The following ZNF106 variants were observed in gnomAD, a reference collection of about 807,000 sequenced individuals.
ZNF106 encodes zinc finger protein 106.
In ZNF106, 67 loss-of-function variants were observed where a neutral mutation model predicts 195.1. The observed-to-expected ratio is 0.34, with a 90% confidence interval of 0.28 to 0.42. The LOEUF (loss-of-function observed/expected upper bound fraction) is 0.42. ZNF106 is among the 10% of genes least tolerant of loss of function. The pLI, the probability that ZNF106 is intolerant of heterozygous loss-of-function variation, is 1.00. For synonymous variants in ZNF106, 784 were observed against 818.6 expected (o/e 0.96, Z 0.72); for missense variants, 2,118 against 2,304.5 (o/e 0.92, Z 1.66).
Position 42,422,629 on chromosome 15 carries a change from G to T in ZNF106, c.5254-9C>A. The T allele has an allele frequency of 6.9e-6, 11 of 1,600,252 alleles. No individual in the cohort carries two copies. The highest frequency in any genetic ancestry group is 8.5e-6 in the Non-Finnish European group (10 of 1,175,124). On this transcript the variant is annotated splice_polypyrimidine_tract_variant and intron_variant, in intron 17 of 21. Coordinates refer to ENST00000564754, the MANE Select transcript of ZNF106 (RefSeq NM_001366845.3). ...CGCACGAGCTCACCAGTCTATGTCA[G>T]AAGAGAAGTAAGAGTCACCAGACTG...
chr15:42,468,280 G>A (rs1368920714), intron 2 of ZNF106, among the ~76,000 whole-genome samples: 1 of 151,284 alleles, frequency 6.6e-6, no homozygotes, highest in African/African-American at 2.4e-5. Flanking sequence ...GTTTCACCAT[G>A]TTGGCCAGGC....
chr15:42,463,244 G>C (rs2056434737), intron 3 of ZNF106, among the ~76,000 whole-genome samples: 1 of 152,030 alleles, frequency 6.6e-6, no homozygotes, highest in South Asian at 2.1e-4. Flanking sequence ...ATATGGGTAG[G>C]GTGGCAGGTA....
intron 6 of ZNF106, 90 bp downstream of exon 6, chr15:42,447,982 A>C: frequency 7.1e-7 from 1 of 1,410,192 alleles, no homozygotes; most frequent in Non-Finnish European, 9.6e-7. Flanking sequence ...ACAATCCCAG[A>C]TACCCAAGAA....
chr15:42,450,971 G>A lies in ZNF106; in HGVS notation c.1301C>T (p.Thr434Ile), dbSNP rs764949018. The A allele has an allele frequency of 2.5e-6, 4 of 1,614,212 alleles. No individual in the cohort carries two copies. The highest frequency in any genetic ancestry group is 1.6e-4 in the Middle Eastern group (1 of 6,062). ...PTQKTQKEIH[T>I]GSLNHKASSD... ...AGAGGCCTTGTGATTAAGAGATCCA[G>A]TATGTATTTCTTTTTGTGTTTTCTG... Residue 434 changes from threonine to isoleucine, a missense_variant, in exon 5 of 22, where the codon ACT becomes ATT. Physicochemically the swap from Thr to Ile is moderately conservative, Grantham distance 89. Coordinates refer to ENST00000564754, the MANE Select transcript of ZNF106 (RefSeq NM_001366845.3).
At chr15:42,427,670 T>A in intron 15 of ZNF106, 1 of 185,400 alleles carries the variant, frequency 5.4e-6, no homozygotes, top group Non-Finnish European at 1.2e-5. Flanking sequence ...CATTCCAATT[T>A]TAGTGTATGT....
intron 2 of ZNF106, among the ~76,000 whole-genome samples, chr15:42,471,908 A>C (rs2056678332): frequency 6.6e-6 from 1 of 152,218 alleles, no homozygotes; most frequent in Non-Finnish European, 1.5e-5. Flanking sequence ...AAATTACAGA[A>C]AGCAGTATGA....
intron 10 of ZNF106, among the ~76,000 whole-genome samples, chr15:42,440,998 A>AATATATAT (rs56924955): frequency 1.3e-3 from 30 of 23,548 alleles, no homozygotes; most frequent in South Asian, 6.6e-3. Flanking sequence ...AAAAAAAAAA[A>AATATATAT]ATATATATAT....
Position 42,439,597 on chromosome 15 carries a change from G to A in ZNF106, c.3980C>T (p.Ser1327Phe). 1 of 1,614,138 alleles carries A rather than the reference G, an allele frequency of 6.2e-7. No individual in the cohort carries two copies. Among genetic ancestry groups the A allele is most frequent in the Non-Finnish European group, 8.5e-7 (1 of 1,180,022 alleles). ...GEEPTKGNSG[S>F]EACTSSFLRL... ...TAGAAAAGAACTGGTACAGGCTTCAGACCCACTATTGCCTTTGGTTGGCTC... is the reference window on the plus strand; with the variant it reads ...TAGAAAAGAACTGGTACAGGCTTCAAACCCACTATTGCCTTTGGTTGGCTC... The change falls in exon 11 of 22, where the codon TCT (serine) becomes TTT (phenylalanine). Residue 1327 changes from serine to phenylalanine, a missense_variant. Ser to Phe is a radical substitution (Grantham distance 155). Coordinates refer to ENST00000564754, the MANE Select transcript of ZNF106 (RefSeq NM_001366845.3).
At position 42,428,114 on chromosome 15, in the gene ZNF106, C is replaced by T. The variant is rs140334907; in HGVS notation, c.4902G>A (p.Gln1634=). The T allele has an allele frequency of 6.2e-7, 1 of 1,614,066 alleles. No individual in the cohort carries two copies. The highest frequency in any genetic ancestry group is 8.5e-7 in the Non-Finnish European group (1 of 1,179,942). ...YNVKSRECVE[Q]LQLEDRVLCL... ...AGAGGACCCGGTCTTCCAGCTGTAA[C>T]TGCTCCACACACTCTCGGCTCTGAT... Residue 1634 remains glutamine (Q), a synonymous_variant, in exon 15 of 22, where the codon CAG becomes CAA. Coordinates refer to ENST00000564754, the MANE Select transcript of ZNF106 (RefSeq NM_001366845.3).
At chr15:42,427,494 C>T (rs960923860) in intron 15 of ZNF106, 1 of 153,156 alleles carries the variant, frequency 6.5e-6, no homozygotes, top group Non-Finnish European at 1.5e-5. Context: ...CTTAGTTCAC[C>T]TCACAGATGG....
In ZNF106 at chr15:42,418,357, C is replaced by CTTT. The variant is rs540271844; in HGVS notation, c.5518-409_5518-407dup. On this transcript the variant is annotated intron_variant, in intron 20 of 21. Transcript: ENST00000564754. Reference sequence around the variant, plus strand: ...TACCTTTCCTATAATATCGAAAGGGCTTTTTTTTTTTTTTTTTTGAGATGG... The same window carrying CTTT: ...TACCTTTCCTATAATATCGAAAGGGCTTTTTTTTTTTTTTTTTTTTTGAGATGG... Among the ~76,000 whole-genome samples, 165 of 122,856 alleles carry CTTT rather than the reference C, an allele frequency of 1.3e-3. 5 individuals are homozygous for CTTT. The highest frequency in any genetic ancestry group is 5.1e-3 in the African/African-American group (157 of 30,694). The allele number at this position is 122,856 out of a possible 152,430, so 80.6% of individuals were successfully genotyped here.
rs780521944 is a variant in ZNF106, at chr15:42,439,815, T to C, written c.3764-2A>G. On this transcript the variant is annotated splice_acceptor_variant, in intron 10 of 21. Coordinates refer to ENST00000564754, the MANE Select transcript of ZNF106 (RefSeq NM_001366845.3). LOFTEE classifies it high-confidence loss of function. Reference sequence around the variant, plus strand: ...CTGGACAACTGTCACTGATCTCTCCTGAATTGAGAGGAAAAAAATTATTGC... The same window carrying C: ...CTGGACAACTGTCACTGATCTCTCCCGAATTGAGAGGAAAAAAATTATTGC... 1.3e-6 allele frequency: 2 copies of C among 1,507,892 alleles called. No homozygotes were observed. The highest frequency in any genetic ancestry group is 1.4e-5 in the African/African-American group (1 of 70,698). The allele number at this position is 1,507,892 out of a possible 1,614,324, so 93.4% of individuals were successfully genotyped here.
chr15:42,472,238 T>C lies in ZNF106; in HGVS notation c.52A>G (p.Lys18Glu). The C allele has an allele frequency of 6.5e-7, 1 of 1,535,296 alleles. No individual in the cohort carries two copies. The highest frequency in any genetic ancestry group is 8.7e-7 in the Non-Finnish European group (1 of 1,146,484). Residue 18 changes from lysine (K) to glutamate (E), a missense_variant and splice_region_variant, in exon 2 of 22, where the codon AAG becomes GAG. Transcript: ENST00000564754. ...ILCHIVYSSK[K>E]EMDEHMRSML... ...GATTCTCCCTCTTCCATTATTACCT[T>C]TTTTGAGCTGTACACGATGTGGCAT...
chr15:42,441,921 A>G, intron 10 of ZNF106, 152 bp downstream of exon 10: 1 of 506,300 alleles, frequency 2.0e-6, no homozygotes, highest in Non-Finnish European at 3.4e-6. Flanking sequence ...TTTTAAAAGA[A>G]TCCTCCTGTA....
At chr15:42,454,456 T>C (rs533212358) in intron 4 of ZNF106, among the ~76,000 whole-genome samples, 4 of 151,878 alleles carry the variant, frequency 2.6e-5, no homozygotes, top group African/African-American at 9.7e-5. Flanking sequence ...AATCACAAAG[T>C]AGAATTCCTA....
Position 42,415,614 on chromosome 15 carries a change from G to T in ZNF106, c.*1690C>A. 1 of 369,018 alleles carries T rather than the reference G, an allele frequency of 2.7e-6. No homozygotes were observed. 22.9% of individuals were successfully genotyped at this position (369,018 alleles called of 1,614,324 possible). ...GGAAGACATGTGAGTGGATATATGTGCACTAACAGGGGCGAAGACAGACCT... is the reference window on the plus strand; with the variant it reads ...GGAAGACATGTGAGTGGATATATGTTCACTAACAGGGGCGAAGACAGACCT... On this transcript the variant is annotated 3_prime_UTR_variant, in exon 22 of 22. Transcript: ENST00000564754.
chr15:42,458,292 C>T (rs760716694), intron 3 of ZNF106, among the ~76,000 whole-genome samples: 2 of 151,616 alleles, frequency 1.3e-5, no homozygotes, highest in South Asian at 4.2e-4. Context: ...CTTTCCCTCA[C>T]AAATACCTAA....
In ZNF106 at chr15:42,466,082, A is replaced by G; in HGVS notation, c.87T>C (p.His29=). 1 of 1,534,734 alleles carries G rather than the reference A, an allele frequency of 6.5e-7. No individual in the cohort carries two copies. Residue 29 remains histidine, a synonymous_variant, in exon 3 of 22, where the codon CAT becomes CAC. Transcript: ENST00000564754. ...CCTTGAGGTTCTCAAGTTCCCTGTGATGCAACATGCTCCGCATGTGTTCGT... is the reference window on the plus strand; with the variant it reads ...CCTTGAGGTTCTCAAGTTCCCTGTGGTGCAACATGCTCCGCATGTGTTCGT... ...EMDEHMRSML[H]HRELENLKGR... is the part of the protein sequence containing the mutation.
At chr15:42,434,550 T>C (rs1342053983) in intron 14 of ZNF106, among the ~76,000 whole-genome samples, 2 of 152,210 alleles carry the variant, frequency 1.3e-5, no homozygotes, top group African/African-American at 4.8e-5. Context: ...CCCTTCTTTA[T>C]GTTCCTGTTA....
Sources: allele counts gnomAD v4.1 joint callset (sites outside exome capture counted in the v4.1 genomes callset), GRCh38; gene constraint gnomAD v4.1.1; transcripts MANE v1.5; gene names NCBI Gene and HGNC (gene_info 2026-07-23, HGNC 2026-07-21).